FHIP2A: variants seen among roughly 807,000 people sequenced by gnomAD.
FHIP2A encodes the protein family with sequence similarity 160 member B1.
A neutral mutation model predicts 93.5 loss-of-function variants in FHIP2A; 46 were observed. The observed-to-expected ratio is 0.49, with a 90% confidence interval of 0.39 to 0.63. FHIP2A has a LOEUF of 0.63. FHIP2A is among the 20% of genes least tolerant of loss of function. The pLI is 0.00. For missense variants in FHIP2A, 769 were observed against 909.7 expected (o/e 0.85, Z 1.99); for synonymous variants, 332 against 326.5 (o/e 1.02, Z -0.18).
chr10:114,837,350 G>T (rs1268764696), intron 5 of FHIP2A, among the ~76,000 whole-genome samples: 1 of 152,040 alleles, frequency 6.6e-6, no homozygotes, highest in Non-Finnish European at 1.5e-5. Context: ...CCCCGTCTCT[G>T]CTAAAAATAC....
intron 16 of FHIP2A, among the ~76,000 whole-genome samples, chr10:114,885,135 C>G (rs559019037): frequency 1.1e-3 from 168 of 152,120 alleles, no homozygotes; most frequent in African/African-American, 3.7e-3. Flanking sequence ...TGGCTCATGC[C>G]TATAATCCCA....
At chr10:114,831,058 T>A in intron 2 of FHIP2A, 128 bp downstream of exon 2, 1 of 570,202 alleles carries the variant, frequency 1.8e-6, no homozygotes, top group South Asian at 2.7e-5. Context: ...AATCTTATCT[T>A]TGTCTTTAAG....
At chr10:114,868,072 C>T (rs2083839302), downstream of FHIP2A, among the ~76,000 whole-genome samples, 1 of 151,908 alleles carries the variant, frequency 6.6e-6, no homozygotes, top group Non-Finnish European at 1.5e-5. Flanking sequence ...GGATTACAGG[C>T]AGGTGCCACC....
At chr10:114,890,446 T>TAC (rs960756080) in intron 16 of FHIP2A, among the ~76,000 whole-genome samples, 2 of 149,196 alleles carry the variant, frequency 1.3e-5, no homozygotes, top group African/African-American at 2.5e-5. Context: ...TGTGTGTGTA[T>TAC]ACACACACAT....
intron 5 of FHIP2A, among the ~76,000 whole-genome samples, chr10:114,842,249 G>A (rs938751772): frequency 6.6e-6 from 1 of 151,898 alleles, no homozygotes; most frequent in Non-Finnish European, 1.5e-5. Flanking sequence ...TTTTTTAGTA[G>A]AGACATGATC....
At chr10:114,887,174 T>C (rs1159203247) in intron 16 of FHIP2A, among the ~76,000 whole-genome samples, 1 of 152,204 alleles carries the variant, frequency 6.6e-6, no homozygotes, top group African/African-American at 2.4e-5. Context: ...CAGATACTAT[T>C]ATCCAGGTGC....
intron 14 of FHIP2A, among the ~76,000 whole-genome samples, chr10:114,856,251 G>C (rs1198934457): frequency 6.6e-6 from 1 of 152,112 alleles, no homozygotes; most frequent in Non-Finnish European, 1.5e-5. Context: ...AGTTTAGTCA[G>C]CGTTGTTTCT....
At chr10:114,875,136 G>GGGC (rs1168010990) in intron 16 of FHIP2A, among the ~76,000 whole-genome samples, 1 of 152,292 alleles carries the variant, frequency 6.6e-6, no homozygotes, top group East Asian at 1.9e-4. Context: ...AGCCCTGGAT[G>GGGC]GGCTCAGTTC....
intron 14 of FHIP2A, among the ~76,000 whole-genome samples, chr10:114,859,751 C>T (rs1305802401): frequency 1.3e-5 from 2 of 152,104 alleles, no homozygotes; most frequent in Non-Finnish European, 2.9e-5. Context: ...AGTAAAATCA[C>T]GATATTACAT....
In FHIP2A at chr10:114,863,663, C is replaced by T. The variant is rs1367067094; in HGVS notation, c.*2123C>T. 7.7e-7 allele frequency: 1 copy of T among 1,301,332 alleles called. No individual in the cohort carries two copies. Among genetic ancestry groups the T allele is most frequent in the Non-Finnish European group, 1.0e-6 (1 of 987,804 alleles). 80.6% of individuals were successfully genotyped at this position (1,301,332 alleles called of 1,614,324 possible). A position where few individuals can be genotyped will look rare whatever the true frequency, so the allele number is the denominator to read the frequency against. On this transcript the variant is annotated 3_prime_UTR_variant, in exon 17 of 17. Coordinates refer to ENST00000369248, the MANE Select transcript of FHIP2A (RefSeq NM_020940.4). ...TTTATATTTAGTTCAGACCTAGAGC[C>T]AGTAGAAGCTCTCACAGTGAGTTCA...
chr10:114,894,250 G>C (rs563591216), intron 16 of FHIP2A, among the ~76,000 whole-genome samples: 1 of 152,168 alleles, frequency 6.6e-6, no homozygotes, highest in East Asian at 1.9e-4. Flanking sequence ...AAGGCACACA[G>C]ACAGCTGCTA....
At chr10:114,870,672 A>T (rs2083855176) in intron 16 of FHIP2A, among the ~76,000 whole-genome samples, 1 of 152,176 alleles carries the variant, frequency 6.6e-6, no homozygotes, top group African/African-American at 2.4e-5. Context: ...ACAGATATTC[A>T]CTAAATCTTG....
At chr10:114,845,910 T>G (rs1031010991) in intron 8 of FHIP2A, 103 bp from the exon 9 acceptor site, 2 of 900,662 alleles carry the variant, frequency 2.2e-6, no homozygotes, top group Admixed American at 4.7e-5. Flanking sequence ...AAGTTTTGTC[T>G]TTCCACATTA....
At chr10:114,889,868 C>T (rs757652174) in intron 16 of FHIP2A, among the ~76,000 whole-genome samples, 2 of 152,196 alleles carry the variant, frequency 1.3e-5, no homozygotes, top group Non-Finnish European at 2.9e-5. Context: ...TGTCCCTTAG[C>T]GTTCCTCCCT....
chr10:114,825,210 G>A (rs2083566259), intron 1 of FHIP2A, among the ~76,000 whole-genome samples: 1 of 152,068 alleles, frequency 6.6e-6, no homozygotes. Flanking sequence ...TAGACACTGG[G>A]CCTCACAATG....
intron 5 of FHIP2A, among the ~76,000 whole-genome samples, chr10:114,841,959 G>C (rs1056914022): frequency 6.6e-6 from 1 of 152,160 alleles, no homozygotes; most frequent in Admixed American, 6.5e-5. Context: ...TTGTGTTTTG[G>C]TATGTGGATT....
intron 16 of FHIP2A, among the ~76,000 whole-genome samples, chr10:114,898,298 C>T (rs1365047335): frequency 1.3e-5 from 2 of 152,146 alleles, no homozygotes; most frequent in African/African-American, 4.8e-5. Context: ...TTTCCAGTTC[C>T]AGTGTTATTC....
chr10:114,845,363 A>G lies in FHIP2A; in HGVS notation c.1014-4A>G, dbSNP rs762489552. The stretch of plus-strand genomic sequence containing the variant: ...GGACTTAGCAATTCTTCCTTGTCTT[A>G]CAGCTTGGACTCATATAGTCATAAA... On this transcript the variant is annotated splice_region_variant and splice_polypyrimidine_tract_variant and intron_variant, in intron 7 of 16. Coordinates refer to ENST00000369248, the MANE Select transcript of FHIP2A (RefSeq NM_020940.4). 2 of 1,562,284 alleles carry G rather than the reference A, an allele frequency of 1.3e-6. No individual in the cohort carries two copies. Among genetic ancestry groups the G allele is most frequent in the South Asian group, 2.2e-5 (2 of 89,506 alleles).
rs140432360 is a variant in FHIP2A, at chr10:114,848,538, T to G, written c.1713-109T>G. 461 of 659,980 alleles carry G rather than the reference T, an allele frequency of 7.0e-4. 3 individuals carry two copies. In the African/African-American group the frequency reaches 7.4e-3, roughly 11 times the overall value. 40.9% of individuals were successfully genotyped at this position (659,980 alleles called of 1,614,324 possible). ...CTAGATGCTTTAGTACTTATAAAGT[T>G]ATTATTGAATTATGAGAGTATTGAT... On this transcript the variant is annotated intron_variant, in intron 12 of 16. Transcript: ENST00000369248.
Sources: gnomAD v4.1 joint callset for allele counts (sites outside exome capture counted in the v4.1 genomes callset) on GRCh38, gnomAD v4.1.1 for gene constraint, MANE v1.5 for transcripts, NCBI Gene and HGNC (gene_info 2026-07-23, HGNC 2026-07-21) for gene names.